The following CSMD1 variants were observed in gnomAD, a reference collection of about 807,000 sequenced individuals.
CSMD1 encodes CUB and sushi domain-containing protein 1.
A neutral mutation model predicts 417.5 loss-of-function variants in CSMD1; 213 were observed. That is an observed-to-expected ratio of 0.51 (90% CI 0.46 to 0.57). The LOEUF (loss-of-function observed/expected upper bound fraction) is 0.57, where lower values mean the gene tolerates loss of function less well. Among genes scored for constraint, CSMD1 ranks in the 20% least tolerant of loss-of-function variants. CSMD1 has a pLI of 0.00. For missense variants in CSMD1, 6,923 were observed against 4,529.7 expected, an observed-to-expected ratio of 1.53 and a Z score of -15.17; for synonymous variants, 2,862 against 1,736.8, an observed-to-expected ratio of 1.65 and a Z score of -16.11.
Position 3,151,414 on chromosome 8 carries a change from G to C in CSMD1, c.6014C>G (p.Ser2005Ter). 1 of 1,611,526 alleles carries C rather than the reference G, an allele frequency of 6.2e-7. No homozygotes were observed. Among genetic ancestry groups the C allele is most frequent in the Non-Finnish European group, 8.5e-7 (1 of 1,177,890 alleles). ...TCACTTACCATAGCCGATGGGTAAT[G>C]AGATCCTCCAGGTGCAGTCTAAGTT... ...PNNLDCTWRI[S>*]LPIGYGAHIQ... The change falls in exon 40 of 70, where the codon TCA becomes TGA. Residue 2005 changes from serine to a stop codon, truncating the protein, a stop_gained. Coordinates refer to ENST00000635120, the MANE Select transcript of CSMD1 (RefSeq NM_033225.6). LOFTEE classifies it high-confidence loss of function.
chr8:4,919,075 G>C (rs993665025), intron 1 of CSMD1, among the ~76,000 whole-genome samples: 6 of 152,170 alleles, frequency 3.9e-5, no homozygotes, highest in African/African-American at 1.2e-4. Flanking sequence ...GTAGTAGTTT[G>C]TTAAACAGAG....
At chr8:3,867,528 C>T (rs967227685) in intron 5 of CSMD1, among the ~76,000 whole-genome samples, 4 of 152,052 alleles carry the variant, frequency 2.6e-5, no homozygotes, top group Admixed American at 2.0e-4. Flanking sequence ...TAATGTGTCC[C>T]AGACAACAGA....
intron 5 of CSMD1, among the ~76,000 whole-genome samples, chr8:3,830,001 T>C (rs1311094332): frequency 6.6e-6 from 1 of 152,206 alleles, no homozygotes; most frequent in African/African-American, 2.4e-5. Flanking sequence ...TTGTTTTCCT[T>C]TGTTAACAAG....
chr8:3,124,726 A>G (rs1166847068), intron 41 of CSMD1, among the ~76,000 whole-genome samples: 1 of 152,210 alleles, frequency 6.6e-6, no homozygotes, highest in Non-Finnish European at 1.5e-5. Context: ...CAGGACGTTC[A>G]TTAGAACACA....
intron 26 of CSMD1, among the ~76,000 whole-genome samples, chr8:3,253,632 T>G (rs1585808035): frequency 6.6e-6 from 1 of 152,200 alleles, no homozygotes. Flanking sequence ...AGTGGGTTGT[T>G]AAAGTCTGCC....
chr8:3,186,269 C>T (rs1213715414), intron 36 of CSMD1, among the ~76,000 whole-genome samples: 1 of 152,096 alleles, frequency 6.6e-6, no homozygotes, highest in Non-Finnish European at 1.5e-5. Context: ...AAATCACATG[C>T]TAAACTAAAC....
intron 6 of CSMD1, among the ~76,000 whole-genome samples, chr8:3,740,239 G>C (rs893007044): frequency 1.3e-5 from 2 of 152,178 alleles, no homozygotes; most frequent in Non-Finnish European, 2.9e-5. Flanking sequence ...CCAAGTTGCT[G>C]ACACTGCAGG....
intron 6 of CSMD1, among the ~76,000 whole-genome samples, chr8:3,726,307 C>T (rs990468303): frequency 6.6e-6 from 1 of 152,172 alleles, no homozygotes; most frequent in African/African-American, 2.4e-5. Context: ...TGAGCTCAGA[C>T]ACCTTTCTTC....
intron 3 of CSMD1, among the ~76,000 whole-genome samples, chr8:4,361,965 AAAATAAAT>A (rs535614689): frequency 2.4e-4 from 37 of 151,964 alleles, no homozygotes; most frequent in Non-Finnish European, 4.3e-4. Flanking sequence ...ACTCCATCTC[AAAATAAAT>A]AAATAAATAA....
chr8:3,632,111 T>C (rs907192276), intron 7 of CSMD1, among the ~76,000 whole-genome samples: 9 of 152,222 alleles, frequency 5.9e-5, no homozygotes, highest in African/African-American at 2.2e-4. Context: ...CAGAATAAAA[T>C]TGAGCAAACA....
At chr8:4,727,923 T>C (rs1038712033) in intron 1 of CSMD1, among the ~76,000 whole-genome samples, 3 of 144,544 alleles carry the variant, frequency 2.1e-5, no homozygotes, top group Non-Finnish European at 4.5e-5. Flanking sequence ...ACCAAATACA[T>C]CTAATATATA....
At chr8:3,455,723 C>A (rs920584993) in intron 12 of CSMD1, among the ~76,000 whole-genome samples, 1 of 152,226 alleles carries the variant, frequency 6.6e-6, no homozygotes, top group Non-Finnish European at 1.5e-5. Context: ...ACTGCCCCTA[C>A]TGGGGATGCG....
chr8:4,170,409 C>A (rs1328623065), intron 3 of CSMD1, among the ~76,000 whole-genome samples: 2 of 151,886 alleles, frequency 1.3e-5, no homozygotes, highest in East Asian at 3.9e-4. Flanking sequence ...AAAGCATATG[C>A]ATGTATACCT....
chr8:3,091,037 T>C (rs919846113), intron 48 of CSMD1, among the ~76,000 whole-genome samples: 37 of 152,220 alleles, frequency 2.4e-4, no homozygotes, highest in African/African-American at 8.9e-4. Flanking sequence ...ATATTTATTA[T>C]GTATATGGTT....
chr8:4,828,990 T>A (rs1229191688), intron 1 of CSMD1, among the ~76,000 whole-genome samples: 1 of 152,176 alleles, frequency 6.6e-6, no homozygotes, highest in Admixed American at 6.5e-5. Flanking sequence ...TGATTATTTA[T>A]CAAAACTGCA....
At chr8:4,362,108 TAC>T (rs1191151506) in intron 3 of CSMD1, among the ~76,000 whole-genome samples, 1 of 152,156 alleles carries the variant, frequency 6.6e-6, no homozygotes, top group Admixed American at 6.5e-5. Context: ...AGAACAGAAT[TAC>T]AAATCCAAGT....
chr8:4,516,838 A>T (rs1161685574), intron 2 of CSMD1, among the ~76,000 whole-genome samples: 1 of 152,174 alleles, frequency 6.6e-6, no homozygotes, highest in Admixed American at 6.5e-5. Context: ...TATTTTCAGC[A>T]TGATATAGCC....
chr8:3,627,942 G>C (rs975120374), intron 7 of CSMD1, among the ~76,000 whole-genome samples: 30 of 152,218 alleles, frequency 2.0e-4, no homozygotes, highest in East Asian at 1.9e-3. Context: ...AGTTGAAAAG[G>C]AAAATGAGAA....
intron 3 of CSMD1, among the ~76,000 whole-genome samples, chr8:4,066,890 C>T (rs960546098): frequency 3.9e-5 from 6 of 152,188 alleles, no homozygotes; most frequent in East Asian, 1.9e-4. Context: ...ACAGAACAAA[C>T]GTAACTATAA....
Sources: gnomAD v4.1 joint callset for allele counts (sites outside exome capture counted in the v4.1 genomes callset) on GRCh38, gnomAD v4.1.1 for gene constraint, MANE v1.5 for transcripts, NCBI Gene and HGNC (gene_info 2026-07-23, HGNC 2026-07-21) for gene names.